The following RBFOX1 variants were observed in gnomAD, a reference collection of about 807,000 sequenced individuals.
RBFOX1 encodes RNA binding protein fox-1 homolog 1.
Under a neutral mutation model 57.7 loss-of-function variants are expected in RBFOX1, and 8 were observed. That is an observed-to-expected ratio of 0.14 (90% confidence interval 0.08 to 0.25). RBFOX1 has a LOEUF of 0.25. RBFOX1 is among the 10% of genes least tolerant of loss of function. The pLI is 1.00. For synonymous variants in RBFOX1, 326 were observed against 222.4 expected, an observed-to-expected ratio of 1.47 and a Z score of -4.15; for missense variants, 611 against 548.5, an observed-to-expected ratio of 1.11 and a Z score of -1.14.
chr16:7,093,110 C>G (rs2061137346), intron 4 of RBFOX1, among the ~76,000 whole-genome samples: 1 of 152,200 alleles, frequency 6.6e-6, no homozygotes, highest in Non-Finnish European at 1.5e-5. Flanking sequence ...CTCAGGAATA[C>G]AAAGATGACT....
At chr16:6,553,695 C>T (rs2097035995) in intron 2 of RBFOX1, among the ~76,000 whole-genome samples, 2 of 152,010 alleles carry the variant, frequency 1.3e-5, no homozygotes, top group South Asian at 4.2e-4. Flanking sequence ...TAAGGATGGG[C>T]CACTTCTATG....
chr16:6,638,314 A>T (rs1428295341), intron 2 of RBFOX1, among the ~76,000 whole-genome samples: 2 of 152,150 alleles, frequency 1.3e-5, no homozygotes, highest in African/African-American at 4.8e-5. Flanking sequence ...TTAGTGTTTT[A>T]AAGAATAAGT....
chr16:6,129,393 G>A (rs1471700594), intron 1 of RBFOX1, among the ~76,000 whole-genome samples: 1 of 152,116 alleles, frequency 6.6e-6, no homozygotes, highest in Non-Finnish European at 1.5e-5. Flanking sequence ...CAAGGCACTT[G>A]AACAGTTTAA....
chr16:7,701,706 C>A (rs1045129044), intron 14 of RBFOX1, among the ~76,000 whole-genome samples: 4 of 150,942 alleles, frequency 2.7e-5, no homozygotes, highest in Non-Finnish European at 5.9e-5. Context: ...ATGTATAAGT[C>A]ATTGCTCAAA....
chr16:6,772,001 C>A lies in RBFOX1; in HGVS notation c.-16+117351C>A, dbSNP rs558648150. Among the ~76,000 whole-genome samples the A allele has an allele frequency of 5.9e-5, 9 of 152,282 alleles. No individual in the cohort carries two copies. In the South Asian group the frequency reaches 1.9e-3, roughly 32 times the overall value. ...ATTGAAACGGAAAGACTCCCTTCGG[C>A]TCTTTCTGCCATTCCAGTAAATTCC... On this transcript the variant is annotated intron_variant, in intron 3 of 15. Transcript: ENST00000550418.
chr16:7,231,198 C>A (rs144523679), intron 4 of RBFOX1, among the ~76,000 whole-genome samples: 1 of 152,106 alleles, frequency 6.6e-6, no homozygotes, highest in Non-Finnish European at 1.5e-5. Flanking sequence ...ACAGAACAAC[C>A]GAAAGAGCTA....
At chr16:7,281,078 C>G (rs933757685) in intron 4 of RBFOX1, among the ~76,000 whole-genome samples, 4 of 151,072 alleles carry the variant, frequency 2.6e-5, no homozygotes, top group Non-Finnish European at 5.9e-5. Context: ...TCTTGGCTCA[C>G]TGCAACCTCT....
chr16:5,329,813 C>A (rs2064696084), intron 1 of RBFOX1, among the ~76,000 whole-genome samples: 1 of 152,092 alleles, frequency 6.6e-6, no homozygotes, highest in Non-Finnish European at 1.5e-5. Context: ...TCCTGGCTAA[C>A]ATGGTGAAAC....
intron 3 of RBFOX1, among the ~76,000 whole-genome samples, chr16:6,970,042 G>C (rs1354875376): frequency 1.3e-5 from 2 of 151,920 alleles, no homozygotes; most frequent in Non-Finnish European, 2.9e-5. Context: ...GATGGGCATG[G>C]TGGCATACAC....
intron 4 of RBFOX1, among the ~76,000 whole-genome samples, chr16:7,463,089 C>G (rs2059874472): frequency 6.6e-6 from 1 of 152,164 alleles, no homozygotes. Context: ...CTGGCAAGTC[C>G]AAGATCAGGG....
chr16:6,208,291 C>T (rs1486251261), intron 1 of RBFOX1, among the ~76,000 whole-genome samples: 1 of 151,918 alleles, frequency 6.6e-6, no homozygotes, highest in Non-Finnish European at 1.5e-5. Context: ...TTGCTTTATA[C>T]ATGTGTGCTT....
intron 1 of RBFOX1, among the ~76,000 whole-genome samples, chr16:6,105,121 C>T (rs2096362881): frequency 1.3e-5 from 2 of 152,094 alleles, no homozygotes; most frequent in Non-Finnish European, 2.9e-5. Context: ...AAAAGGAAAC[C>T]ATCTTACAGC....
chr16:7,201,271 C>A (rs1398942605), intron 4 of RBFOX1, among the ~76,000 whole-genome samples: 1 of 152,198 alleles, frequency 6.6e-6, no homozygotes, highest in Non-Finnish European at 1.5e-5. Context: ...CACAGCATAG[C>A]AGAGAAACAA....
At chr16:6,619,498 T>C (rs8044140) in intron 2 of RBFOX1, among the ~76,000 whole-genome samples, 35,890 of 151,988 alleles carry the variant, frequency 0.24, 4,470 homozygotes, top group Admixed American at 0.32. Context: ...ATTAAACTTA[T>C]GCCTTTCTGC....
At chr16:5,590,891 G>A (rs7199645) in intron 2 of RBFOX1, among the ~76,000 whole-genome samples, 30,007 of 152,004 alleles carry the variant, frequency 0.2, 3,322 homozygotes, top group East Asian at 0.32. Context: ...TGCTGTTTAT[G>A]TTTCCTGGTG....
At chr16:5,435,476 C>T (rs1350113375) in intron 1 of RBFOX1, among the ~76,000 whole-genome samples, 1 of 152,168 alleles carries the variant, frequency 6.6e-6, no homozygotes, top group Non-Finnish European at 1.5e-5. Context: ...AGGGAAAAAA[C>T]AGCCCACTAC....
At chr16:7,230,637 A>G (rs186358627) in intron 4 of RBFOX1, among the ~76,000 whole-genome samples, 7 of 152,252 alleles carry the variant, frequency 4.6e-5, no homozygotes, top group Admixed American at 2.0e-4. Context: ...TGATGCATTC[A>G]TTCTGGAACT....
chr16:7,625,317 A>C (rs1371026603), intron 10 of RBFOX1, among the ~76,000 whole-genome samples: 2 of 152,058 alleles, frequency 1.3e-5, no homozygotes, highest in East Asian at 1.9e-4. Context: ...AAGCTTGCCC[A>C]CCCAGCCCTT....
At chr16:5,621,082 C>T (rs908521135) in intron 3 of RBFOX1, among the ~76,000 whole-genome samples, 15 of 152,268 alleles carry the variant, frequency 9.9e-5, no homozygotes, top group Admixed American at 7.2e-4. Flanking sequence ...CCTCGTGATC[C>T]GCCTGCCTTG....
Sources: gnomAD v4.1 joint callset for allele counts (sites outside exome capture counted in the v4.1 genomes callset) on GRCh38, gnomAD v4.1.1 for gene constraint, MANE v1.5 for transcripts, NCBI Gene and HGNC (gene_info 2026-07-23, HGNC 2026-07-21) for gene names.